Variants in TRMT11 observed in about 807,000 individuals in gnomAD.
TRMT11 encodes tRNA (guanine(10)-N(2))-methyltransferase TRMT11.
A neutral mutation model predicts 62.8 loss-of-function variants in TRMT11; 53 were observed. The ratio of observed to expected loss-of-function variants is 0.84; its 90% CI spans 0.68 to 1.06. TRMT11 has a LOEUF of 1.06. Ranked by LOEUF, TRMT11 falls within the 50% of genes least tolerant of loss-of-function variation. TRMT11 has a pLI of 0.00. For synonymous variants in TRMT11, 188 were observed against 190.3 expected, an observed-to-expected ratio of 0.99 and a Z score of 0.10; for missense variants, 556 against 553.4, an observed-to-expected ratio of 1.00 and a Z score of -0.05.
At chr6:126,052,568 A>G (rs181255798) in intron 16 of TRMT11, among the ~76,000 whole-genome samples, 1 of 152,168 alleles carries the variant, frequency 6.6e-6, no homozygotes, top group Non-Finnish European at 1.5e-5. Flanking sequence ...CTTTTTATAT[A>G]TCCTTATGCA....
At chr6:126,007,392 T>G (rs1214319749) in intron 7 of TRMT11, among the ~76,000 whole-genome samples, 1 of 151,898 alleles carries the variant, frequency 6.6e-6, no homozygotes, top group Admixed American at 6.6e-5. Context: ...AGCCCCAGTA[T>G]TTTTTCCCCT....
At chr6:126,143,690 A>G (rs1777944299) in intron 21 of TRMT11, among the ~76,000 whole-genome samples, 1 of 152,184 alleles carries the variant, frequency 6.6e-6, no homozygotes. Context: ...AATTAGATCT[A>G]TAAGTTTGAG....
chr6:126,237,065 T>C, the TRMT11 span, among the ~76,000 whole-genome samples: 1 of 142,466 alleles, frequency 7.0e-6, no homozygotes, highest in African/African-American at 2.5e-5. Context: ...CTCCTAGAGA[T>C]AGAGAGAGAG....
chr6:126,091,551 G>GA (rs1583872317), intron 17 of TRMT11, among the ~76,000 whole-genome samples: 2 of 151,942 alleles, frequency 1.3e-5, no homozygotes, highest in East Asian at 3.9e-4. Context: ...CCCCATTTGC[G>GA]AATCACTCTT....
intron 17 of TRMT11, among the ~76,000 whole-genome samples, chr6:126,081,377 A>G (rs561627406): frequency 6.6e-6 from 1 of 152,294 alleles, no homozygotes; most frequent in African/African-American, 2.4e-5. Context: ...TATACAGTCC[A>G]CAGAGAAATT....
At chr6:125,990,645 A>G (rs1285556082) in intron 1 of TRMT11, among the ~76,000 whole-genome samples, 2 of 152,188 alleles carry the variant, frequency 1.3e-5, no homozygotes, top group Admixed American at 1.3e-4. Flanking sequence ...TCTTTTCAGC[A>G]AGAAGCTTAA....
chr6:126,227,033 G>C, the TRMT11 span, among the ~76,000 whole-genome samples: 52 of 152,264 alleles, frequency 3.4e-4, no homozygotes, highest in African/African-American at 1.2e-3. Flanking sequence ...ATGATTGTGA[G>C]GCCTCCCAGC....
At chr6:126,239,033 C>A in the TRMT11 span, among the ~76,000 whole-genome samples, 1 of 151,982 alleles carries the variant, frequency 6.6e-6, no homozygotes, top group African/African-American at 2.4e-5. Flanking sequence ...GGATTGCACC[C>A]CCTTCCTTTT....
intron 17 of TRMT11, among the ~76,000 whole-genome samples, chr6:126,085,474 C>T (rs1292559042): frequency 6.6e-6 from 1 of 152,126 alleles, no homozygotes; most frequent in Non-Finnish European, 1.5e-5. Flanking sequence ...ACATAACAAA[C>T]ATTAGAAAAA....
chr6:126,024,926 A>G (rs149132904), intron 12 of TRMT11, among the ~76,000 whole-genome samples: 14 of 152,356 alleles, frequency 9.2e-5, no homozygotes, highest in African/African-American at 3.4e-4. Context: ...ATAGTAACTA[A>G]CATTTATGTG....
intron 7 of TRMT11, among the ~76,000 whole-genome samples, chr6:126,006,212 G>A (rs1357278573): frequency 1.3e-5 from 2 of 151,570 alleles, no homozygotes; most frequent in Non-Finnish European, 2.9e-5. Flanking sequence ...TCTTTTGCTC[G>A]GCCTGCTAAT....
At chr6:126,034,507 A>G (rs1056345037) in intron 12 of TRMT11, among the ~76,000 whole-genome samples, 2 of 152,172 alleles carry the variant, frequency 1.3e-5, no homozygotes, top group Non-Finnish European at 2.9e-5. Flanking sequence ...TCTGATTATA[A>G]AAAATGATAA....
At chr6:126,178,736 G>T (rs1778420158) in intron 1 of TRMT11, among the ~76,000 whole-genome samples, 1 of 152,062 alleles carries the variant, frequency 6.6e-6, no homozygotes, top group Non-Finnish European at 1.5e-5. Flanking sequence ...CTTGACCCCA[G>T]ACAGTTTCAT....
chr6:126,255,216 C>T, the TRMT11 span, among the ~76,000 whole-genome samples: 1 of 152,138 alleles, frequency 6.6e-6, no homozygotes, highest in African/African-American at 2.4e-5. Context: ...AGATAATTTT[C>T]TTTCATCAAT....
intron 21 of TRMT11, among the ~76,000 whole-genome samples, chr6:126,153,830 A>G (rs1243271146): frequency 6.6e-6 from 1 of 152,214 alleles, no homozygotes; most frequent in African/African-American, 2.4e-5. Context: ...TGTTTTGCAC[A>G]TTGTATTTTT....
At chr6:126,202,465 T>G (rs1414053392), downstream of TRMT11, among the ~76,000 whole-genome samples, 1 of 152,118 alleles carries the variant, frequency 6.6e-6, no homozygotes, top group Non-Finnish European at 1.5e-5. Flanking sequence ...TTTCTACTTC[T>G]TTTCCCCCTG....
chr6:126,151,826 C>CTT (rs1434429889), intron 21 of TRMT11, among the ~76,000 whole-genome samples: 1 of 76,144 alleles, frequency 1.3e-5, no homozygotes, highest in Middle Eastern at 6.3e-3. Context: ...TTCTTTCTTT[C>CTT]TTTCTTTCTT....
chr6:125,998,345 A>G (rs1253643930), intron 5 of TRMT11, 30 bp downstream of exon 5: 2 of 1,459,702 alleles, frequency 1.4e-6, no homozygotes, highest in East Asian at 2.3e-5. Flanking sequence ...CAAAAAACCT[A>G]CATGATGAAT....
intron 21 of TRMT11, among the ~76,000 whole-genome samples, chr6:126,149,379 A>G (rs1778011906): frequency 6.6e-6 from 1 of 152,212 alleles, no homozygotes; most frequent in East Asian, 1.9e-4. Context: ...TTTATTTTGT[A>G]TCTCTATTGG....
Sources: gnomAD v4.1 joint callset for allele counts (sites outside exome capture counted in the v4.1 genomes callset) on GRCh38, gnomAD v4.1.1 for gene constraint, MANE v1.5 for transcripts, NCBI Gene and HGNC (gene_info 2026-07-23, HGNC 2026-07-21) for gene names.